SQOR: variants seen among roughly 807,000 people sequenced by gnomAD.
SQOR encodes the protein sulfide:quinone oxidoreductase, mitochondrial.
SQOR carries 39 observed loss-of-function variants against 48.6 expected under a neutral mutation model. The observed-to-expected ratio is 0.80, with a 90% CI of 0.62 to 1.05. The LOEUF is 1.05. SQOR is among the 50% of genes least tolerant of loss of function. SQOR has a pLI of 0.00. For synonymous variants in SQOR, 220 were observed against 206.2 expected (o/e 1.07, Z -0.57); for missense variants, 561 against 559.9 (o/e 1.00, Z -0.02).
chr15:45,634,326 G>C (rs758722771), upstream of SQOR, among the ~76,000 whole-genome samples: 6 of 150,606 alleles, frequency 4.0e-5, no homozygotes, highest in Admixed American at 6.6e-5. Flanking sequence ...CACTTCTCAG[G>C]TTATGAGACT....
chr15:45,661,924 G>A (rs769177573), intron 2 of SQOR, 31 bp from the exon 3 acceptor site: 24 of 1,603,152 alleles, frequency 1.5e-5, no homozygotes, highest in Non-Finnish European at 3.4e-6. Flanking sequence ...GTGTCAAATT[G>A]CAATAAATCT....
At chr15:45,647,850 G>A (rs1490134293) in intron 1 of SQOR, among the ~76,000 whole-genome samples, 1 of 152,074 alleles carries the variant, frequency 6.6e-6, no homozygotes, top group Non-Finnish European at 1.5e-5. Context: ...CCAGGAGGCG[G>A]AGGCTGCAGT....
intron 2 of SQOR, among the ~76,000 whole-genome samples, chr15:45,660,187 C>A (rs1427086826): frequency 6.6e-6 from 1 of 152,112 alleles, no homozygotes. Context: ...GGAGCTGTAT[C>A]CTTGGGAGGA....
At chr15:45,642,589 A>G (rs776912492) in intron 1 of SQOR, among the ~76,000 whole-genome samples, 4 of 151,666 alleles carry the variant, frequency 2.6e-5, no homozygotes, top group East Asian at 2.0e-4. Flanking sequence ...TGCCTATCCA[A>G]TCTCATTTCT....
rs528993979 is a variant in SQOR at position 45,659,045 on chromosome 15, G to A, written c.122G>A (p.Arg41Lys). 6.2e-7 allele frequency: 1 copy of A among 1,600,414 alleles called. No individual in the cohort carries two copies. Among genetic ancestry groups the A allele is most frequent in the Non-Finnish European group, 8.5e-7 (1 of 1,173,948 alleles). Reference sequence around the variant, plus strand: ...CACACCGGGGCCAGCCATGCGGCCAGGAACCATTATGAGGTGCTGGTGCTG... The same window carrying A: ...CACACCGGGGCCAGCCATGCGGCCAAGAACCATTATGAGGTGCTGGTGCTG... ...QLHTGASHAA[R>K]NHYEVLVLGG... is the part of the protein sequence containing the mutation. Residue 41 changes from arginine (R) to lysine (K), a missense_variant, in exon 2 of 10, where the codon AGG (arginine) becomes AAG (lysine). Physicochemically the swap from Arg to Lys is conservative, Grantham distance 26. Coordinates refer to ENST00000260324, the MANE Select transcript of SQOR (RefSeq NM_021199.4).
intron 4 of SQOR, among the ~76,000 whole-genome samples, chr15:45,672,741 T>C (rs1889967121): frequency 6.6e-6 from 1 of 152,238 alleles, no homozygotes; most frequent in African/African-American, 2.4e-5. Context: ...TAGTTGATCT[T>C]ATTGGCAATA....
chr15:45,671,541 G>C (rs1889943203), intron 4 of SQOR, among the ~76,000 whole-genome samples: 1 of 152,214 alleles, frequency 6.6e-6, no homozygotes, highest in African/African-American at 2.4e-5. Context: ...CTGAGGCTAA[G>C]GGAATGTAAT....
At chr15:45,690,531 C>G (rs1566925306) in intron 9 of SQOR, among the ~76,000 whole-genome samples, 1 of 152,162 alleles carries the variant, frequency 6.6e-6, no homozygotes, top group Non-Finnish European at 1.5e-5. Flanking sequence ...TTGGTTGTTA[C>G]AACTGGAGGG....
intron 1 of SQOR, among the ~76,000 whole-genome samples, chr15:45,642,938 CCTAA>C (rs1286239685): frequency 4.6e-5 from 7 of 152,204 alleles, no homozygotes; most frequent in South Asian, 2.1e-4. Flanking sequence ...CCAATAGTCT[CCTAA>C]CTGATTTGTC....
intron 7 of SQOR, among the ~76,000 whole-genome samples, chr15:45,682,974 C>A (rs996462938): frequency 6.6e-6 from 1 of 150,482 alleles, no homozygotes; most frequent in African/African-American, 2.5e-5. Flanking sequence ...TTGCAGTGAG[C>A]CAAGATCGCA....
chr15:45,661,873 A>T, intron 2 of SQOR, 82 bp from the exon 3 acceptor site: 2 of 1,414,274 alleles, frequency 1.4e-6, no homozygotes, highest in South Asian at 2.8e-5. Flanking sequence ...AGTGATTGAA[A>T]GAATCTAGCC....
intron 6 of SQOR, 110 bp downstream of exon 6, chr15:45,676,420 C>T: frequency 8.7e-7 from 1 of 1,143,552 alleles, no homozygotes; most frequent in Admixed American, 2.3e-5. Context: ...CTGGGGAAGA[C>T]TGGGTGAAAT....
At chr15:45,677,194 C>G (rs1890052851) in intron 6 of SQOR, among the ~76,000 whole-genome samples, 1 of 151,554 alleles carries the variant, frequency 6.6e-6, no homozygotes, top group Admixed American at 6.6e-5. Context: ...TCCTTCCTTC[C>G]TTCCTTCTTT....
At chr15:45,634,195 C>CTATATATATATATAT (rs1263372742), upstream of SQOR, among the ~76,000 whole-genome samples, 1 of 21,786 alleles carries the variant, frequency 4.6e-5, no homozygotes, top group African/African-American at 3.1e-4. Flanking sequence ...ACAACAACAA[C>CTATATATATATATAT]AACTATATAT....
At chr15:45,644,276 G>C (rs1375182360) in intron 1 of SQOR, among the ~76,000 whole-genome samples, 2 of 152,124 alleles carry the variant, frequency 1.3e-5, no homozygotes, top group African/African-American at 2.4e-5. Flanking sequence ...TTCAGAGACA[G>C]GGTTTCACCA....
At chr15:45,661,492 G>A (rs983973697) in intron 2 of SQOR, among the ~76,000 whole-genome samples, 5 of 152,040 alleles carry the variant, frequency 3.3e-5, no homozygotes, top group African/African-American at 4.8e-5. Flanking sequence ...ACAGTTGGAA[G>A]TTAATGAAGT....
At chr15:45,668,888 A>T (rs552745286) in intron 3 of SQOR, among the ~76,000 whole-genome samples, 3 of 152,010 alleles carry the variant, frequency 2.0e-5, no homozygotes, top group East Asian at 3.9e-4. Context: ...TTTGTCCTAA[A>T]CCCACATTTC....
intron 1 of SQOR, among the ~76,000 whole-genome samples, chr15:45,638,007 A>AGCCTTAAAAATCTTTGTAATCCCC (rs1895036038): frequency 1.3e-5 from 2 of 152,232 alleles, no homozygotes; most frequent in African/African-American, 4.8e-5. Context: ...TCTTAATCCC[A>AGCCTTAAAAATCTTTGTAATCCCC]GCCTTAAAAA....
intron 1 of SQOR, among the ~76,000 whole-genome samples, chr15:45,636,988 C>CTT (rs11303902): frequency 2.8e-5 from 4 of 141,548 alleles, no homozygotes; most frequent in Non-Finnish European, 3.1e-5. Context: ...GTAACCTTGG[C>CTT]TTTTTTTTTT....
Sources: allele counts gnomAD v4.1 joint callset (sites outside exome capture counted in the v4.1 genomes callset), GRCh38; gene constraint gnomAD v4.1.1; transcripts MANE v1.5; gene names NCBI Gene and HGNC (gene_info 2026-07-23, HGNC 2026-07-21).